Variants in BTAF1 observed in about 807,000 individuals in gnomAD.
BTAF1 encodes the protein B-TFIID TATA-box binding protein associated factor 1.
BTAF1 carries 38 observed loss-of-function variants against 227.1 expected under a neutral mutation model. The observed-to-expected ratio is 0.17, with a 90% CI of 0.13 to 0.22. The LOEUF is 0.22. BTAF1 is among the 10% of genes least tolerant of loss of function. BTAF1 has a pLI of 1.00. For missense variants in BTAF1, 1,598 were observed against 2,204.0 expected (o/e 0.73, Z 5.51); for synonymous variants, 742 against 751.9 (o/e 0.99, Z 0.21).
chr10:91,940,273 T>C (rs1452081032), intron 3 of BTAF1, among the ~76,000 whole-genome samples: 1 of 152,112 alleles, frequency 6.6e-6, no homozygotes, highest in Non-Finnish European at 1.5e-5. Context: ...TGTTTTTGTA[T>C]ACATTTTAAA....
intron 1 of BTAF1, among the ~76,000 whole-genome samples, chr10:91,925,367 A>C (rs1843753036): frequency 6.6e-6 from 1 of 152,174 alleles, no homozygotes; most frequent in Non-Finnish European, 1.5e-5. Flanking sequence ...ATGTAAACTT[A>C]ATATAACATT....
chr10:92,016,919 A>C (rs193059813), intron 33 of BTAF1, among the ~76,000 whole-genome samples: 26 of 152,306 alleles, frequency 1.7e-4, no homozygotes, highest in Middle Eastern at 3.4e-3. Context: ...ATATATCTTA[A>C]TAAGCACTTT....
chr10:91,992,074 C>A, intron 20 of BTAF1, 45 bp from the exon 21 acceptor site: 1 of 1,454,344 alleles, frequency 6.9e-7, no homozygotes. Flanking sequence ...CATTTGGTAT[C>A]ACCAATATTA....
Position 92,016,502 on chromosome 10 carries a change from G to C in BTAF1, c.4710+37G>C, listed in dbSNP as rs756793509. The C allele has an allele frequency of 2.0e-6, 3 of 1,477,710 alleles. No homozygotes were observed. In the Admixed American group the frequency reaches 7.3e-5, roughly 36 times the overall value. 91.5% of individuals were successfully genotyped at this position (1,477,710 alleles called of 1,614,324 possible). On this transcript the variant is annotated intron_variant, in intron 33 of 37. Coordinates refer to ENST00000265990, the MANE Select transcript of BTAF1 (RefSeq NM_003972.3). ...ATTCTACTTTTTTTTTTTTTGAGAT[G>C]GAATTTCACTCTGTCATCTAGGCTA...
intron 30 of BTAF1, 83 bp from the exon 31 acceptor site, chr10:92,013,584 A>G: frequency 1.3e-6 from 2 of 1,528,682 alleles, no homozygotes; most frequent in Non-Finnish European, 1.8e-6. Flanking sequence ...TATGATTATA[A>G]TAATGGGCTT....
Position 91,993,757 on chromosome 10 carries a change from C to T in BTAF1, c.3109C>T (p.His1037Tyr), listed in dbSNP as rs1215518843. Residue 1037 changes from histidine (H) to tyrosine (Y), a missense_variant, in exon 22 of 38, where the codon CAT becomes TAT. This residue lies in a region of BTAF1 where 425 missense variants were observed against 491.2 expected (regional missense o/e 0.87). Transcript: ENST00000265990. ...ATTTGCTTTGACAACTATAGTAAAG[C>T]ATTTTGGTGGTGAAATGGCAGTGAA... is the stretch of plus-strand genomic sequence containing the variant. The part of the protein sequence containing the change: ...AEFALTTIVK[H>Y]FGGEMAVKLP... 6.2e-7 allele frequency: 1 copy of T among 1,606,172 alleles called. No homozygotes were observed.
At position 92,011,104 on chromosome 10, in the gene BTAF1, A is replaced by C; in HGVS notation, c.4135A>C (p.Ile1379Leu). ...LQHQVKRHNLIVASYDVVRND... is the reference protein window; with the variant it reads ...LQHQVKRHNLLVASYDVVRND... ...GCACCAAGTAAAAAGGCACAATCTA[A>C]TAGTGGCTTCATATGATGTTGTGAG... The change falls in exon 29 of 38, where the codon ATA becomes CTA. Residue 1379 changes from isoleucine (I) to leucine (L), a missense_variant. Around this residue, in one of 10 missense-constraint regions of BTAF1, gnomAD observed 184 missense variants for 341.1 expected, o/e 0.54. Coordinates refer to ENST00000265990, the MANE Select transcript of BTAF1 (RefSeq NM_003972.3). The C allele has an allele frequency of 6.2e-7, 1 of 1,607,220 alleles. No homozygotes were observed.
intron 2 of BTAF1, among the ~76,000 whole-genome samples, chr10:91,936,791 T>G (rs182089291): frequency 4.7e-4 from 72 of 152,294 alleles, no homozygotes; most frequent in Admixed American, 3.6e-3. Context: ...GAGGACTGAA[T>G]GACCTGAAAC....
At chr10:92,026,788 G>C (rs757565185) in intron 36 of BTAF1, 37 bp downstream of exon 36, 1 of 1,588,436 alleles carries the variant, frequency 6.3e-7, no homozygotes, top group Admixed American at 1.8e-5. Flanking sequence ...GTTAACCTGT[G>C]CATGAAAATA....
Position 91,956,583 on chromosome 10 carries a change from G to A in BTAF1, c.757G>A (p.Val253Ile). ...AAAGAGACGGAAAATAGCAAATGTT[G>A]TTATTAATCAGTCTGCAAATGATTC... Reference protein sequence around the residue: ...EEKRRKIANVVINQSANDSKV... With the variant: ...EEKRRKIANVIINQSANDSKV... The change falls in exon 7 of 38, where the codon GTT (valine) becomes ATT (isoleucine). Residue 253 changes from valine (V) to isoleucine (I), a missense_variant. Around this residue, in one of 10 missense-constraint regions of BTAF1, gnomAD observed 298 missense variants for 395.2 expected, o/e 0.75. Transcript: ENST00000265990. The A allele has an allele frequency of 6.2e-7, 1 of 1,602,236 alleles. No homozygotes were observed. The highest frequency in any genetic ancestry group is 8.5e-7 in the Non-Finnish European group (1 of 1,176,784).
intron 14 of BTAF1, among the ~76,000 whole-genome samples, chr10:91,968,116 A>C (rs1005418049): frequency 4.6e-5 from 7 of 152,172 alleles, no homozygotes; most frequent in Non-Finnish European, 1.0e-4. Flanking sequence ...GTACATTTAC[A>C]AATGTACAAT....
At position 91,989,527 on chromosome 10, in the gene BTAF1, C is replaced by G; in HGVS notation, c.2801C>G (p.Thr934Ser). 1 of 1,613,394 alleles carries G rather than the reference C, an allele frequency of 6.2e-7. No homozygotes were observed. The highest frequency in any genetic ancestry group is 8.5e-7 in the Non-Finnish European group (1 of 1,179,876). ...CSSLCVDPYLTPCVTCPVPTQ... is the reference protein window; with the variant it reads ...CSSLCVDPYLSPCVTCPVPTQ... The stretch of plus-strand genomic sequence containing the variant: ...TCACTTTGTGTGGACCCATATCTAA[C>G]TCCTTGTGTCACATGTCCAGTACCA... The change falls in exon 20 of 38, where the codon ACT becomes AGT. Residue 934 changes from threonine (T) to serine (S), a missense_variant. Coordinates refer to ENST00000265990, the MANE Select transcript of BTAF1 (RefSeq NM_003972.3).
rs775961252 is a variant in BTAF1, at chr10:91,959,969, C to T, written c.1087-9C>T. ...GCAAATATGAGTTTTCTTCCTTTTT[C>T]GTCTGTAGGTTGTGGCACCAGTTCG... On this transcript the variant is annotated splice_polypyrimidine_tract_variant and intron_variant, in intron 10 of 37. Transcript: ENST00000265990. 1.7e-5 allele frequency: 27 copies of T among 1,598,898 alleles called. No individual in the cohort carries two copies. Among genetic ancestry groups the T allele is most frequent in the East Asian group, 1.1e-4 (5 of 44,600 alleles).
chr10:92,001,598 C>A (rs971809393), intron 25 of BTAF1, among the ~76,000 whole-genome samples: 14 of 151,942 alleles, frequency 9.2e-5, no homozygotes, highest in African/African-American at 3.1e-4. Context: ...TTAACGGGTT[C>A]TAATTAATTT....
At chr10:91,949,472 G>C (rs555061709) in intron 4 of BTAF1, among the ~76,000 whole-genome samples, 5 of 152,156 alleles carry the variant, frequency 3.3e-5, no homozygotes, top group African/African-American at 9.6e-5. Flanking sequence ...AACGTTATGC[G>C]GTGTAGACTA....
chr10:92,024,925 A>T lies in BTAF1; in HGVS notation c.5033A>T (p.Asp1678Val). 1 of 1,614,014 alleles carries T rather than the reference A, an allele frequency of 6.2e-7. No homozygotes were observed. Reference protein sequence around the residue: ...HLPSVTYLRLDGSIPPGQRHS... With the variant: ...HLPSVTYLRLVGSIPPGQRHS... Reference sequence around the variant, plus strand: ...CCCTCTGTCACTTATTTGAGATTAGATGGCAGCATACCTCCTGGTCAGAGG... The same window carrying T: ...CCCTCTGTCACTTATTTGAGATTAGTTGGCAGCATACCTCCTGGTCAGAGG... The change falls in exon 35 of 38, where the codon GAT becomes GTT. Residue 1678 changes from aspartate (D) to valine (V), a missense_variant. Transcript: ENST00000265990.
In BTAF1 at chr10:91,924,038, C is replaced by G. The variant is rs757107902; in HGVS notation, c.-39C>G. ...AAACTAGCGCCTCAGCTGCGCGGCG[C>G]GTAGGTCGCGGGGAGCTCCGAACCG... On this transcript the variant is annotated 5_prime_UTR_variant, in exon 1 of 38. Coordinates refer to ENST00000265990, the MANE Select transcript of BTAF1 (RefSeq NM_003972.3). The G allele has an allele frequency of 2.5e-6, 4 of 1,600,620 alleles. No individual in the cohort carries two copies. The South Asian group carries it at 4.5e-5, about 18-fold the overall frequency.
intron 6 of BTAF1, among the ~76,000 whole-genome samples, chr10:91,955,872 A>C (rs1846052368): frequency 6.6e-6 from 1 of 152,196 alleles, no homozygotes; most frequent in South Asian, 2.1e-4. Flanking sequence ...AATAAATTTC[A>C]CTATTAAGAT....
chr10:91,956,319 T>C (rs954490472), intron 6 of BTAF1, among the ~76,000 whole-genome samples: 1 of 152,174 alleles, frequency 6.6e-6, no homozygotes, highest in Non-Finnish European at 1.5e-5. Context: ...GTAGTTAGAA[T>C]ATATTTTGCT....
Sources: gnomAD v4.1 joint callset for allele counts (sites outside exome capture counted in the v4.1 genomes callset) on GRCh38, gnomAD v4.1.1 for gene constraint, gnomAD v4.1.1 regional missense constraint, MANE v1.5 for transcripts, NCBI Gene and HGNC (gene_info 2026-07-23, HGNC 2026-07-21) for gene names.